EYS: variants seen among roughly 807,000 people sequenced by gnomAD.
EYS encodes the protein EGF-like photoreceptor maintenance factor.
In EYS, 250 loss-of-function variants were observed where a neutral mutation model predicts 282.1. That is an observed-to-expected ratio of 0.89 (90% CI 0.80 to 0.98). EYS has a LOEUF of 0.98. Ranked by LOEUF, EYS falls within the 50% of genes least tolerant of loss-of-function variation. The probability of loss-of-function intolerance (pLI) is 0.00; values close to 1 mark genes in which losing one functional copy is unlikely to be tolerated. For missense variants in EYS, 4,016 were observed against 3,709.0 expected, an observed-to-expected ratio of 1.08 and a Z score of -2.15; for synonymous variants, 1,355 against 1,282.9, an observed-to-expected ratio of 1.06 and a Z score of -1.20.
intron 5 of EYS, among the ~76,000 whole-genome samples, chr6:65,446,004 T>C (rs1277881947): frequency 6.6e-6 from 1 of 151,770 alleles, no homozygotes; most frequent in Non-Finnish European, 1.5e-5. Flanking sequence ...AGTTTGAAAA[T>C]TTTCATAGTA....
intron 37 of EYS, among the ~76,000 whole-genome samples, chr6:63,801,879 A>G (rs1192231897): frequency 1.3e-5 from 2 of 152,194 alleles, no homozygotes; most frequent in African/African-American, 2.4e-5. Context: ...TGGACATATC[A>G]GAAATTAGAG....
chr6:64,908,053 GC>G (rs1248011446), intron 16 of EYS, among the ~76,000 whole-genome samples: 4 of 152,140 alleles, frequency 2.6e-5, no homozygotes, highest in Non-Finnish European at 5.9e-5. Context: ...AAATGAGAAA[GC>G]AGTGCTATGT....
intron 31 of EYS, among the ~76,000 whole-genome samples, chr6:64,140,863 T>G (rs1430540409): frequency 6.6e-6 from 1 of 152,156 alleles, no homozygotes; most frequent in African/African-American, 2.4e-5. Context: ...CATGAAACCA[T>G]CCTCAAATTT....
intron 28 of EYS, among the ~76,000 whole-genome samples, chr6:64,411,839 CAT>C (rs994177591): frequency 4.3e-4 from 42 of 98,660 alleles, no homozygotes; most frequent in African/African-American, 1.4e-3. Flanking sequence ...ATGAGATACA[CAT>C]ATATGTTTGC....
At chr6:65,203,548 C>A (rs545359134) in intron 12 of EYS, among the ~76,000 whole-genome samples, 1 of 152,140 alleles carries the variant, frequency 6.6e-6, no homozygotes. Context: ...ACATGTGCAA[C>A]AGTCACACTC....
intron 36 of EYS, among the ~76,000 whole-genome samples, chr6:63,851,904 T>A (rs1237009920): frequency 6.6e-6 from 1 of 152,106 alleles, no homozygotes; most frequent in East Asian, 1.9e-4. Flanking sequence ...ATGCCTGTAA[T>A]CCCAGCACTT....
chr6:63,748,560 G>T (rs111499073), intron 41 of EYS, among the ~76,000 whole-genome samples: 3 of 152,066 alleles, frequency 2.0e-5, no homozygotes, highest in Non-Finnish European at 4.4e-5. Context: ...TAGTAGGAAC[G>T]GTATCAGCTC....
chr6:65,507,819 C>T (rs1468315107), intron 2 of EYS, among the ~76,000 whole-genome samples: 2 of 151,832 alleles, frequency 1.3e-5, no homozygotes, highest in Non-Finnish European at 2.9e-5. Context: ...TCCCTGTTTA[C>T]TCATTTGTTC....
At chr6:64,974,359 G>A (rs1436471116) in intron 14 of EYS, among the ~76,000 whole-genome samples, 2 of 151,404 alleles carry the variant, frequency 1.3e-5, no homozygotes, top group Admixed American at 1.3e-4. Context: ...TGATTCAAAC[G>A]GTCATTTTTG....
chr6:64,474,091 T>C lies in EYS; in HGVS notation c.5645-34739A>G, dbSNP rs376397504. Among the ~76,000 whole-genome samples the C allele has an allele frequency of 5.9e-5, 9 of 152,242 alleles. No individual in the cohort carries two copies. In the East Asian group the frequency reaches 9.7e-4, roughly 16 times the overall value. ...CTTCTTTGATCATCTGAACCTTCCC[T>C]CCAGAGCCCGGTAAATATCTTATTT... On this transcript the variant is annotated intron_variant, in intron 26 of 42. Coordinates refer to ENST00000503581, the MANE Select transcript of EYS (RefSeq NM_001142800.2).
intron 1 of EYS, among the ~76,000 whole-genome samples, chr6:65,706,437 T>C (rs1769882297): frequency 6.6e-6 from 1 of 152,068 alleles, no homozygotes; most frequent in Non-Finnish European, 1.5e-5. Flanking sequence ...ATAAATCTCC[T>C]AAATAATAAG....
intron 12 of EYS, among the ~76,000 whole-genome samples, chr6:65,067,188 G>A (rs1374238868): frequency 6.6e-6 from 1 of 152,146 alleles, no homozygotes; most frequent in African/African-American, 2.4e-5. Context: ...AATTCAATTG[G>A]AAATTTCCAT....
chr6:64,015,198 T>C (rs1768836043), intron 33 of EYS, among the ~76,000 whole-genome samples: 1 of 152,184 alleles, frequency 6.6e-6, no homozygotes. Flanking sequence ...TGGAGTTGTT[T>C]CTGATAAAAA....
At chr6:63,749,149 C>G (rs1232064159) in intron 41 of EYS, among the ~76,000 whole-genome samples, 1 of 152,142 alleles carries the variant, frequency 6.6e-6, no homozygotes, top group African/African-American at 2.4e-5. Flanking sequence ...TTGACACTGT[C>G]TTAGCTGTGT....
At chr6:65,402,688 T>C in intron 6 of EYS, 83 bp from the exon 7 acceptor site, 2 of 900,802 alleles carry the variant, frequency 2.2e-6, no homozygotes, top group Non-Finnish European at 3.5e-6. Flanking sequence ...GGAGAAGGGT[T>C]AAAATTATTT....
At chr6:63,997,633 T>C (rs574441311) in intron 34 of EYS, among the ~76,000 whole-genome samples, 1 of 152,320 alleles carries the variant, frequency 6.6e-6, no homozygotes, top group African/African-American at 2.4e-5. Flanking sequence ...CTCCCCTGTG[T>C]GTGCATGTGC....
chr6:64,556,544 T>C (rs1356539152), intron 26 of EYS, among the ~76,000 whole-genome samples: 1 of 152,022 alleles, frequency 6.6e-6, no homozygotes, highest in Non-Finnish European at 1.5e-5. Context: ...TATTCTATAT[T>C]TTGATTATAT....
intron 19 of EYS, among the ~76,000 whole-genome samples, chr6:64,831,233 T>G (rs963692714): frequency 1.3e-4 from 20 of 152,092 alleles, no homozygotes; most frequent in African/African-American, 4.8e-4. Context: ...GCTTTTAAAT[T>G]TTTTTGTCAA....
At chr6:65,656,153 C>T (rs893552760) in intron 1 of EYS, among the ~76,000 whole-genome samples, 1 of 151,810 alleles carries the variant, frequency 6.6e-6, no homozygotes, top group Non-Finnish European at 1.5e-5. Context: ...CACCCACTGG[C>T]GATTCCCTCT....
Sources: gnomAD v4.1 joint callset for allele counts (sites outside exome capture counted in the v4.1 genomes callset) on GRCh38, gnomAD v4.1.1 for gene constraint, MANE v1.5 for transcripts, NCBI Gene and HGNC (gene_info 2026-07-23, HGNC 2026-07-21) for gene names.